SMG1: variants seen among roughly 807,000 people sequenced by gnomAD.
The protein encoded by SMG1 is SMG1 nonsense mediated mRNA decay associated PI3K related kinase, also known as serine/threonine-protein kinase SMG1.
In SMG1, 22 loss-of-function variants were observed where a neutral mutation model predicts 419.9. The ratio of observed to expected loss-of-function variants is 0.05; its 90% CI spans 0.04 to 0.07. The LOEUF (loss-of-function observed/expected upper bound fraction) is 0.07, where lower values mean the gene tolerates loss of function less well. Ranked by LOEUF, SMG1 falls within the 10% of genes least tolerant of loss-of-function variation. The probability of loss-of-function intolerance (pLI) is 1.00; values close to 1 mark genes in which losing one functional copy is unlikely to be tolerated. For missense variants in SMG1, 3,185 were observed against 4,342.0 expected, an observed-to-expected ratio of 0.73 and a Z score of 7.49; for synonymous variants, 1,538 against 1,553.5, an observed-to-expected ratio of 0.99 and a Z score of 0.23.
At position 18,807,682 on chromosome 16, in the gene SMG1, G is replaced by A. The variant is rs1040785306; in HGVS notation, c.*1887C>T. 1.3e-5 allele frequency: 2 copies of A among 152,130 alleles called. No homozygotes were observed. Among genetic ancestry groups the A allele is most frequent in the Non-Finnish European group, 2.9e-5 (2 of 68,024 alleles). 9.4% of individuals were successfully genotyped at this position (152,130 alleles called of 1,614,324 possible). On this transcript the variant is annotated 3_prime_UTR_variant, in exon 63 of 63. Coordinates refer to ENST00000446231, the MANE Select transcript of SMG1 (RefSeq NM_015092.5). ...CTTAATACCTTTCAAGTTTGTCTGTGAAGACGGCAACTAGAAAGTGACCAC... is the reference window on the plus strand; with the variant it reads ...CTTAATACCTTTCAAGTTTGTCTGTAAAGACGGCAACTAGAAAGTGACCAC...
chr16:18,858,627 T>A (rs1013954980), intron 28 of SMG1: 8 of 213,904 alleles, frequency 3.7e-5, no homozygotes, highest in African/African-American at 1.8e-4. Context: ...TAATGCTTTA[T>A]AATGAAGTTC....
At chr16:18,874,791 G>A (rs1017698788) in intron 13 of SMG1, among the ~76,000 whole-genome samples, 6 of 127,092 alleles carry the variant, frequency 4.7e-5, no homozygotes, top group Non-Finnish European at 8.0e-5. Flanking sequence ...GCTGGAACCC[G>A]GGAGGCAGAG....
At chr16:18,832,569 G>A (rs148623394) in intron 51 of SMG1, among the ~76,000 whole-genome samples, 64 of 138,796 alleles carry the variant, frequency 4.6e-4, no homozygotes, top group African/African-American at 1.7e-3. Flanking sequence ...GTATGTGACC[G>A]AACTATACAC....
rs1044604813 is a variant in SMG1 at position 18,841,421 on chromosome 16, A to G, written c.6696+144T>C. The G allele has an allele frequency of 1.8e-5, 11 of 594,878 alleles. No individual in the cohort carries two copies. In the Admixed American group the frequency reaches 3.1e-4, roughly 17 times the overall value. 36.8% of individuals were successfully genotyped at this position (594,878 alleles called of 1,614,324 possible). ...TCAAAAAAAAAAAAAAAAAAAAAGT[A>G]CCTCAAAAATACTCTCCTAGGGACC... On this transcript the variant is annotated intron_variant, in intron 41 of 62. Coordinates refer to ENST00000446231, the MANE Select transcript of SMG1 (RefSeq NM_015092.5).
In SMG1 at chr16:18,828,021, C is replaced by A. The variant is rs765918786; in HGVS notation, c.9741+10G>T. The A allele has an allele frequency of 6.2e-7, 1 of 1,608,138 alleles. No homozygotes were observed. The highest frequency in any genetic ancestry group is 1.3e-5 in the African/African-American group (1 of 74,866). ...AAAATGCCCTGGAAGGAAGATCTGG[C>A]AAAACACACCTGAACTGTTGCAATA... On this transcript the variant is annotated intron_variant, in intron 55 of 62. Transcript: ENST00000446231.
intron 59 of SMG1, 72 bp downstream of exon 59, chr16:18,815,363 TAAATC>T: frequency 6.4e-7 from 1 of 1,570,548 alleles, no homozygotes; most frequent in Non-Finnish European, 8.7e-7. Context: ...ACTGAAAAAT[TAAATC>T]AAGAGATAAA....
chr16:18,854,302 G>A (rs1252534601), intron 30 of SMG1, among the ~76,000 whole-genome samples: 1 of 151,456 alleles, frequency 6.6e-6, no homozygotes, highest in Non-Finnish European at 1.5e-5. Context: ...TGCCCAGGCT[G>A]GTGTCAAACT....
intron 55 of SMG1, among the ~76,000 whole-genome samples, chr16:18,821,253 T>TTTTTTTTTTTTTTTTTTTTTTC (rs2032535390): frequency 8.0e-5 from 2 of 24,846 alleles, no homozygotes; most frequent in African/African-American, 4.6e-4. Flanking sequence ...TTTTTTTTTC[T>TTTTTTTTTTTTTTTTTTTTTTC]TTTTTTTTTT....
At chr16:18,834,739 CCT>C (rs761676643) in intron 49 of SMG1, among the ~76,000 whole-genome samples, 151 bp downstream of exon 49, 20 of 152,092 alleles carry the variant, frequency 1.3e-4, no homozygotes, top group Non-Finnish European at 2.6e-4. Flanking sequence ...AGAGTGAGAC[CCT>C]GTCTCAAAAC....
At chr16:18,893,835 A>G (rs1157789559) in intron 3 of SMG1, among the ~76,000 whole-genome samples, 1 of 152,112 alleles carries the variant, frequency 6.6e-6, no homozygotes, top group African/African-American at 2.4e-5. Context: ...AGGAAGGCAG[A>G]TCACGAGGTC....
At chr16:18,917,152 T>TTTA (rs1388109070) in intron 1 of SMG1, among the ~76,000 whole-genome samples, 1 of 151,548 alleles carries the variant, frequency 6.6e-6, no homozygotes, top group Non-Finnish European at 1.5e-5. Flanking sequence ...AATTAATTTA[T>TTTA]TTATTTATTT....
At chr16:18,904,233 G>A (rs942298176) in intron 1 of SMG1, among the ~76,000 whole-genome samples, 2 of 150,366 alleles carry the variant, frequency 1.3e-5, no homozygotes, top group Non-Finnish European at 3.0e-5. Context: ...CACCGTGCCC[G>A]GCCTGTTTCT....
At chr16:18,851,256 G>A (rs570321093) in intron 33 of SMG1, among the ~76,000 whole-genome samples, 13 of 152,334 alleles carry the variant, frequency 8.5e-5, no homozygotes, top group African/African-American at 2.9e-4. Flanking sequence ...ATGCCTTTGA[G>A]GACTGCAACT....
intron 1 of SMG1, among the ~76,000 whole-genome samples, chr16:18,917,142 A>T (rs967736195): frequency 6.2e-4 from 94 of 151,808 alleles, no homozygotes; most frequent in African/African-American, 2.1e-3. Context: ...TACCTTAATT[A>T]ATTAATTTAT....
intron 60 of SMG1, among the ~76,000 whole-genome samples, 159 bp downstream of exon 60, chr16:18,815,016 C>T (rs945340667): frequency 6.6e-6 from 1 of 151,698 alleles, no homozygotes; most frequent in African/African-American, 2.4e-5. Context: ...TCGTGCCTGG[C>T]TTACGAGTAT....
intron 38 of SMG1, 24 bp downstream of exon 38, chr16:18,847,429 C>T: frequency 2.5e-6 from 4 of 1,610,478 alleles, no homozygotes; most frequent in Non-Finnish European, 3.4e-6. Flanking sequence ...TTCACTGTCT[C>T]AGGACAAGTG....
In SMG1 at chr16:18,815,082, A is replaced by G. The variant is rs1048587628; in HGVS notation, c.10621+93T>C. On this transcript the variant is annotated intron_variant, in intron 60 of 62. Coordinates refer to ENST00000446231, the MANE Select transcript of SMG1 (RefSeq NM_015092.5). ...TAAGATTATAGAATGACAGGCCTTA[A>G]GTGTTTAATATTAGACAGTTATGTA... The G allele has an allele frequency of 3.8e-6, 3 of 790,020 alleles. No individual in the cohort carries two copies. The African/African-American group carries it at 5.3e-5, about 14-fold the overall frequency. The allele number at this position is 790,020 out of a possible 1,614,324, so 48.9% of individuals were successfully genotyped here.
At position 18,815,067 on chromosome 16, in the gene SMG1, G is replaced by C. The variant is rs963890070; in HGVS notation, c.10621+108C>G. 6.8e-6 allele frequency: 5 copies of C among 731,954 alleles called. No homozygotes were observed. The African/African-American group carries it at 7.2e-5, about 10-fold the overall frequency. The allele number at this position is 731,954 out of a possible 1,614,324, so 45.3% of individuals were successfully genotyped here. A position where few individuals can be genotyped will look rare whatever the true frequency, so the allele number is the denominator to read the frequency against. On this transcript the variant is annotated intron_variant, in intron 60 of 62. Transcript: ENST00000446231. Reference sequence around the variant, plus strand: ...AAAATCTGTTCAGTTTAAGATTATAGAATGACAGGCCTTAAGTGTTTAATA... The same window carrying C: ...AAAATCTGTTCAGTTTAAGATTATACAATGACAGGCCTTAAGTGTTTAATA...
chr16:18,819,121 G>A (rs2032287582), intron 56 of SMG1, among the ~76,000 whole-genome samples: 1 of 152,172 alleles, frequency 6.6e-6, no homozygotes, highest in African/African-American at 2.4e-5. Context: ...CTGGCCAACA[G>A]GGCACAAGGT....
Sources: gnomAD v4.1 joint callset for allele counts (sites outside exome capture counted in the v4.1 genomes callset) on GRCh38, gnomAD v4.1.1 for gene constraint, MANE v1.5 for transcripts, NCBI Gene and HGNC (gene_info 2026-07-23, HGNC 2026-07-21) for gene names.